SLC38A12: variants seen among roughly 807,000 people sequenced by gnomAD.
SLC38A12 encodes the protein putative sodium-coupled neutral amino acid transporter 12.
At chr17:74,831,014 C>T in the SLC38A12 span, among the ~76,000 whole-genome samples, 12 of 152,202 alleles carry the variant, frequency 7.9e-5, no homozygotes, top group African/African-American at 2.2e-4. Context: ...GTCTCTACCC[C>T]GCATTGAGCT....
At chr17:74,819,730 C>T in the SLC38A12 span, 159 of 1,613,006 alleles carry the variant, frequency 9.9e-5, 1 homozygote, top group African/African-American at 2.0e-3. Flanking sequence ...ACCCTCCTCA[C>T]TCTTGTTTCC....
chr17:74,799,366 T>C, the SLC38A12 span, among the ~76,000 whole-genome samples: 1 of 152,238 alleles, frequency 6.6e-6, no homozygotes, highest in East Asian at 1.9e-4. Context: ...CAAACTGCCC[T>C]GTTGAGCAGA....
the SLC38A12 span, chr17:74,837,643 T>C: frequency 2.0e-6 from 2 of 985,500 alleles, no homozygotes; most frequent in Non-Finnish European, 2.4e-6. Flanking sequence ...GGGCTGAGCG[T>C]GGGTGCTCAG....
the SLC38A12 span, among the ~76,000 whole-genome samples, chr17:74,804,307 G>A: frequency 2.6e-5 from 4 of 152,266 alleles, no homozygotes; most frequent in Non-Finnish European, 5.9e-5. Flanking sequence ...CAGTGTCCCA[G>A]CCAGCGGTGC....
chr17:74,797,635 A>G, the SLC38A12 span, among the ~76,000 whole-genome samples: 1 of 152,222 alleles, frequency 6.6e-6, no homozygotes, highest in Non-Finnish European at 1.5e-5. Flanking sequence ...TGTGGCTCCC[A>G]GGGTGTGAGG....
At chr17:74,800,730 G>T in the SLC38A12 span, among the ~76,000 whole-genome samples, 385 of 152,338 alleles carry the variant, frequency 2.5e-3, 2 homozygotes, top group Admixed American at 1.1e-3. Context: ...GGTGCCCCCA[G>T]GGCACAACTC....
chr17:74,789,578 G>A, the SLC38A12 span, among the ~76,000 whole-genome samples: 1 of 150,952 alleles, frequency 6.6e-6, no homozygotes, highest in African/African-American at 2.4e-5. Flanking sequence ...GGGCACAGTG[G>A]CTCATGCCTG....
At chr17:74,815,079 A>G in the SLC38A12 span, among the ~76,000 whole-genome samples, 1 of 152,104 alleles carries the variant, frequency 6.6e-6, no homozygotes, top group Non-Finnish European at 1.5e-5. Flanking sequence ...GGTGTCAGAG[A>G]GGGGGACCTT....
chr17:74,799,576 A>G, the SLC38A12 span, among the ~76,000 whole-genome samples: 4 of 152,148 alleles, frequency 2.6e-5, no homozygotes, highest in Admixed American at 2.6e-4. Context: ...ACCCCCTTGA[A>G]GAAGTGGAGG....
the SLC38A12 span, among the ~76,000 whole-genome samples, chr17:74,802,929 A>G: frequency 6.6e-6 from 1 of 152,122 alleles, no homozygotes; most frequent in Admixed American, 6.5e-5. Context: ...CTGGTTGCTC[A>G]TCCCTCACCC....
the SLC38A12 span, among the ~76,000 whole-genome samples, chr17:74,808,063 C>T: frequency 3.3e-5 from 5 of 152,380 alleles, no homozygotes; most frequent in South Asian, 8.3e-4. Context: ...AGGGTTGCAG[C>T]TCTGGCATCA....
At chr17:74,777,872 C>T in the SLC38A12 span, 34 of 346,778 alleles carry the variant, frequency 9.8e-5, no homozygotes, top group Non-Finnish European at 1.8e-4. Context: ...TGAGATCGAG[C>T]CGTTGCACTC....
the SLC38A12 span, among the ~76,000 whole-genome samples, chr17:74,793,583 C>A: frequency 6.6e-6 from 1 of 152,070 alleles, no homozygotes; most frequent in South Asian, 2.1e-4. Context: ...AGTTTATTGA[C>A]CAGGGAGGGC....
chr17:74,831,184 T>A, the SLC38A12 span, among the ~76,000 whole-genome samples: 44,832 of 151,814 alleles, frequency 0.3, 6,824 homozygotes, highest in East Asian at 0.43. Flanking sequence ...GGGGATCTCA[T>A]CATGTACCCC....
chr17:74,826,856 A>T, the SLC38A12 span, among the ~76,000 whole-genome samples: 25 of 152,266 alleles, frequency 1.6e-4, no homozygotes, highest in Middle Eastern at 3.4e-3. Flanking sequence ...GCCTTAAAAG[A>T]TGCTGGCGGT....
chr17:74,788,778 G>A, the SLC38A12 span: 18 of 1,611,480 alleles, frequency 1.1e-5, no homozygotes, highest in African/African-American at 1.3e-5. Context: ...CTGGGCACTC[G>A]GCCCCCTCAG....
chr17:74,811,146 A>G, the SLC38A12 span, among the ~76,000 whole-genome samples: 1 of 152,148 alleles, frequency 6.6e-6, no homozygotes, highest in African/African-American at 2.4e-5. Flanking sequence ...CCTGGGCAAT[A>G]TGGTAAGACC....
the SLC38A12 span, among the ~76,000 whole-genome samples, chr17:74,795,792 A>G: frequency 6.6e-6 from 1 of 152,142 alleles, no homozygotes; most frequent in Non-Finnish European, 1.5e-5. Flanking sequence ...CCAGGCAGAA[A>G]TGGATCGTGT....
chr17:74,795,767 A>G, the SLC38A12 span: 1 of 697,282 alleles, frequency 1.4e-6, no homozygotes, highest in Non-Finnish European at 2.4e-6. Context: ...CTGGCTAAGC[A>G]CTGGGGCCTT....
Sources: allele counts gnomAD v4.1 joint callset (sites outside exome capture counted in the v4.1 genomes callset), GRCh38; gene constraint gnomAD v4.1.1; transcripts MANE v1.5; gene names NCBI Gene and HGNC (gene_info 2026-07-23, HGNC 2026-07-21).